The following ACTL8 variants were observed in gnomAD, a reference collection of about 807,000 sequenced individuals.
ACTL8 encodes actin like 8.
A neutral mutation model predicts 9.3 loss-of-function variants in ACTL8; 3 were observed. The observed-to-expected ratio is 0.32, with a 90% CI of 0.15 to 0.83. The LOEUF (loss-of-function observed/expected upper bound fraction) is 0.83. Among genes scored for constraint, ACTL8 ranks in the 40% least tolerant of loss-of-function variants. ACTL8 has a pLI of 0.57. For missense variants in ACTL8, 381 were observed against 492.2 expected (o/e 0.77, Z 2.14); for synonymous variants, 224 against 205.9 (o/e 1.09, Z -0.75).
At chr1:17,820,568 CTT>C (rs36094618) in intron 1 of ACTL8, among the ~76,000 whole-genome samples, 141 of 139,484 alleles carry the variant, frequency 1.0e-3, no homozygotes, top group South Asian at 3.0e-3. Flanking sequence ...GTATGTTGAA[CTT>C]TTTTTTTTTT....
At chr1:17,771,565 C>T (rs956469671) in intron 1 of ACTL8, among the ~76,000 whole-genome samples, 3 of 152,078 alleles carry the variant, frequency 2.0e-5, no homozygotes, top group African/African-American at 4.8e-5. Flanking sequence ...GCATATAAAC[C>T]GTTACTACCA....
chr1:17,778,657 A>G (rs1356685161), intron 1 of ACTL8, among the ~76,000 whole-genome samples: 1 of 152,140 alleles, frequency 6.6e-6, no homozygotes, highest in East Asian at 1.9e-4. Context: ...TAGGGAAGTT[A>G]ATTCCCTACT....
At chr1:17,766,261 G>A (rs963156186) in intron 1 of ACTL8, among the ~76,000 whole-genome samples, 1 of 152,170 alleles carries the variant, frequency 6.6e-6, no homozygotes, top group Admixed American at 6.5e-5. Flanking sequence ...TCCCAAAATT[G>A]TGTTCACATC....
intron 1 of ACTL8, among the ~76,000 whole-genome samples, chr1:17,762,172 C>G (rs2066010852): frequency 6.6e-6 from 1 of 152,088 alleles, no homozygotes; most frequent in South Asian, 2.1e-4. Flanking sequence ...TCCGGCATAA[C>G]TGAGTTCCCG....
intron 1 of ACTL8, among the ~76,000 whole-genome samples, chr1:17,756,699 T>A (rs2065971215): frequency 6.6e-6 from 1 of 152,148 alleles, no homozygotes; most frequent in Non-Finnish European, 1.5e-5. Context: ...GGGAGTGGTT[T>A]TCTGGTGATT....
At chr1:17,755,705 A>G (rs2065963365) in intron 1 of ACTL8, among the ~76,000 whole-genome samples, 1 of 151,942 alleles carries the variant, frequency 6.6e-6, no homozygotes, top group Non-Finnish European at 1.5e-5. Flanking sequence ...GCTTTTCCTT[A>G]GGGACTTGAT....
At chr1:17,815,357 T>C (rs1046396524) in intron 1 of ACTL8, among the ~76,000 whole-genome samples, 2 of 152,246 alleles carry the variant, frequency 1.3e-5, no homozygotes, top group Non-Finnish European at 2.9e-5. Context: ...GCTAGTAATT[T>C]TCTTAGTTTT....
Position 17,823,336 on chromosome 1 carries a change from G to T in ACTL8, c.328G>T (p.Asp110Tyr). The change falls in exon 2 of 3, where the codon GAC (aspartate) becomes TAC (tyrosine). Residue 110 changes from aspartate (D) to tyrosine (Y), a missense_variant. Physicochemically the swap from Asp to Tyr is radical, Grantham distance 160. Around this residue, in one of 3 missense-constraint regions of ACTL8, gnomAD observed 125 missense variants for 180.7 expected, o/e 0.69. Transcript: ENST00000375406. The surrounding 1 kb of genome is among the most constrained non-coding windows in gnomAD (Gnocchi z 5.3). Reference protein sequence around the residue: ...ITETPLREPADRKKMLEILFE... With the variant: ...ITETPLREPAYRKKMLEILFE... ...GGAGACACCCTTGAGGGAGCCTGCG[G>T]ACCGAAAGAAGATGCTGGAGGTGAG... The T allele has an allele frequency of 6.2e-7, 1 of 1,613,174 alleles. No individual in the cohort carries two copies. Among genetic ancestry groups the T allele is most frequent in the South Asian group, 1.1e-5 (1 of 91,004 alleles).
intron 1 of ACTL8, among the ~76,000 whole-genome samples, chr1:17,763,470 G>A (rs72927120): frequency 0.02 from 3,008 of 152,164 alleles, 104 homozygotes; most frequent in African/African-American, 0.067. Context: ...TCTCAAACTC[G>A]GGGTGGAGTG....
At chr1:17,775,394 G>A (rs2066111963) in intron 1 of ACTL8, among the ~76,000 whole-genome samples, 1 of 152,160 alleles carries the variant, frequency 6.6e-6, no homozygotes, top group Non-Finnish European at 1.5e-5. Context: ...TCTTAGGATG[G>A]GAATGGCCAG....
intron 1 of ACTL8, among the ~76,000 whole-genome samples, chr1:17,786,784 C>T (rs146389156): frequency 4.6e-5 from 7 of 152,234 alleles, no homozygotes; most frequent in African/African-American, 1.7e-4. Flanking sequence ...AGCACAGCCT[C>T]GAGCTCCTCA....
At chr1:17,821,653 G>T (rs150162683) in intron 1 of ACTL8, among the ~76,000 whole-genome samples, 1 of 151,986 alleles carries the variant, frequency 6.6e-6, no homozygotes, top group Non-Finnish European at 1.5e-5. Flanking sequence ...TTTTGAGATG[G>T]AGTCTCACTC....
rs560716974 is a variant in ACTL8, at chr1:17,825,022, T to C, written c.349-745T>C. ...ACAGAAGGGTTGACTGTTAGGATCT[T>C]TCTGCTTCTATGGGATTAGAACCTT... On this transcript the variant is annotated intron_variant, in intron 2 of 2. Transcript: ENST00000375406. Among the ~76,000 whole-genome samples, 13 of 149,148 alleles carry C rather than the reference T, an allele frequency of 8.7e-5. No individual in the cohort carries two copies. The East Asian group carries it at 2.5e-3, about 28-fold the overall frequency.
chr1:17,758,727 G>A (rs1433826663), intron 1 of ACTL8, among the ~76,000 whole-genome samples: 1 of 152,200 alleles, frequency 6.6e-6, no homozygotes, highest in Non-Finnish European at 1.5e-5. Flanking sequence ...TGGGGCTTGT[G>A]ATGGTCAGGG....
chr1:17,766,988 C>T (rs951202238), intron 1 of ACTL8, among the ~76,000 whole-genome samples: 1 of 152,036 alleles, frequency 6.6e-6, no homozygotes, highest in African/African-American at 2.4e-5. Context: ...TTGGGGGAGA[C>T]AAGATATGCA....
In ACTL8 at chr1:17,767,194, G is replaced by A. The variant is rs2066050935; in HGVS notation, c.-25+11690G>A. Among the ~76,000 whole-genome samples the A allele has an allele frequency of 6.6e-6, 1 of 152,184 alleles. No individual in the cohort carries two copies. Among genetic ancestry groups the A allele is most frequent in the Non-Finnish European group, 1.5e-5 (1 of 68,040 alleles). On this transcript the variant is annotated intron_variant, in intron 1 of 2. Transcript: ENST00000375406. This position sits in a 1 kb window ranked among gnomAD's most constrained non-coding sequence, Gnocchi z 4.7. ...GAGCAGCGTCTGCAAAGGCCCTGCGGTGGGACTGTGGAGGCCTGCTCTGGA... is the reference window on the plus strand; with the variant it reads ...GAGCAGCGTCTGCAAAGGCCCTGCGATGGGACTGTGGAGGCCTGCTCTGGA...
At chr1:17,799,474 T>G (rs1309063512) in intron 1 of ACTL8, among the ~76,000 whole-genome samples, 1 of 152,108 alleles carries the variant, frequency 6.6e-6, no homozygotes, top group Non-Finnish European at 1.5e-5. Context: ...TTTTTTTTCT[T>G]GTTGGTTTCT....
At chr1:17,803,518 A>G (rs964589032) in intron 1 of ACTL8, among the ~76,000 whole-genome samples, 2 of 152,080 alleles carry the variant, frequency 1.3e-5, no homozygotes, top group African/African-American at 2.4e-5. Flanking sequence ...TTTAGTAGAG[A>G]GGGGGTTTTG....
intron 1 of ACTL8, among the ~76,000 whole-genome samples, chr1:17,763,190 A>G (rs1041683371): frequency 1.3e-5 from 2 of 152,108 alleles, no homozygotes; most frequent in African/African-American, 2.4e-5. Flanking sequence ...GATGGCTTCT[A>G]TCGTGCTGAG....
Sources: gnomAD v4.1 joint callset for allele counts (sites outside exome capture counted in the v4.1 genomes callset) on GRCh38, gnomAD v4.1.1 for gene constraint, gnomAD v4.1.1 regional missense constraint, Gnocchi (gnomAD v3.1) non-coding constraint, MANE v1.5 for transcripts, NCBI Gene and HGNC (gene_info 2026-07-23, HGNC 2026-07-21) for gene names.